The following PICALM variants were observed in gnomAD, a reference collection of about 807,000 sequenced individuals.
PICALM encodes the protein phosphatidylinositol-binding clathrin assembly protein.
A neutral mutation model predicts 80.5 loss-of-function variants in PICALM; 40 were observed. The ratio of observed to expected loss-of-function variants is 0.50; its 90% CI spans 0.39 to 0.65. The LOEUF (loss-of-function observed/expected upper bound fraction) is 0.65. Ranked by LOEUF, PICALM falls within the 30% of genes least tolerant of loss-of-function variation. PICALM has a pLI of 0.00. For missense variants in PICALM, 676 were observed against 778.9 expected (o/e 0.87, Z 1.57); for synonymous variants, 288 against 260.3 (o/e 1.11, Z -1.02).
chr11:86,011,036 A>C lies in PICALM; in HGVS notation c.759T>G (p.Val253=), dbSNP rs769078449. ...TCACTTAAAGACAGTTTACCTCTGC[A>C]ACTTTGAGGAACTCTGAGATTCTTG... ...RMTRISEFLK[V]AEQVGIDRGD... The change falls in exon 7 of 20, where the codon GTT becomes GTG. Residue 253 remains valine, a synonymous_variant. Transcript: ENST00000393346. The C allele has an allele frequency of 2.0e-6, 3 of 1,474,656 alleles. No individual in the cohort carries two copies. The highest frequency in any genetic ancestry group is 1.8e-5 in the Admixed American group (1 of 55,028). The allele number at this position is 1,474,656 out of a possible 1,614,324, so 91.3% of individuals were successfully genotyped here.
chr11:86,010,233 A>G (rs2095367993), intron 7 of PICALM, among the ~76,000 whole-genome samples: 1 of 152,208 alleles, frequency 6.6e-6, no homozygotes, highest in Admixed American at 6.5e-5. Context: ...ATTTTTAAGC[A>G]GAGCTGCAAA....
chr11:86,017,234 A>G (rs1336986071), intron 4 of PICALM, among the ~76,000 whole-genome samples: 2 of 152,088 alleles, frequency 1.3e-5, no homozygotes, highest in East Asian at 1.9e-4. Context: ...AAAAAAAAAA[A>G]AAAAGTTAGC....
At chr11:86,061,833 G>A (rs575195291) in intron 1 of PICALM, among the ~76,000 whole-genome samples, 20 of 152,124 alleles carry the variant, frequency 1.3e-4, no homozygotes, top group Admixed American at 3.3e-4. Flanking sequence ...CTTTATTCAC[G>A]ATTGCCAAAA....
At chr11:85,967,021 G>A (rs114917464) in intron 19 of PICALM, among the ~76,000 whole-genome samples, 1,951 of 152,230 alleles carry the variant, frequency 0.013, 46 homozygotes, top group African/African-American at 0.044. Context: ...CAAGTTTGTG[G>A]TACACTTTGT....
chr11:86,024,178 A>AC (rs1292160721), intron 3 of PICALM, among the ~76,000 whole-genome samples: 6 of 151,868 alleles, frequency 4.0e-5, no homozygotes, highest in African/African-American at 7.3e-5. Flanking sequence ...AAGAAAAAAA[A>AC]AATTTTTTTT....
chr11:86,020,583 AT>A (rs1221435749), intron 4 of PICALM, among the ~76,000 whole-genome samples: 1 of 152,224 alleles, frequency 6.6e-6, no homozygotes, highest in Non-Finnish European at 1.5e-5. Context: ...AAACCTTTAC[AT>A]TTATGGTCAA....
intron 1 of PICALM, among the ~76,000 whole-genome samples, chr11:86,049,341 C>A (rs2096136280): frequency 6.6e-6 from 1 of 152,144 alleles, no homozygotes; most frequent in South Asian, 2.1e-4. Context: ...ACCAAAAGAT[C>A]AAATGCAACT....
At chr11:86,022,658 G>A (rs975393212) in intron 3 of PICALM, among the ~76,000 whole-genome samples, 189 bp from the exon 4 acceptor site, 4 of 151,324 alleles carry the variant, frequency 2.6e-5, no homozygotes, top group African/African-American at 9.7e-5. Flanking sequence ...TTCTCTTAAG[G>A]CTTCATATTT....
At chr11:86,036,858 T>C (rs1486865508) in intron 1 of PICALM, among the ~76,000 whole-genome samples, 3 of 151,560 alleles carry the variant, frequency 2.0e-5, no homozygotes, top group African/African-American at 7.3e-5. Flanking sequence ...TCCCAGTGCT[T>C]TGGAAGGCCG....
rs906488449 is a variant in PICALM, at chr11:85,958,069, G to A, written c.*977C>T. 4 of 224,270 alleles carry A rather than the reference G, an allele frequency of 1.8e-5. No homozygotes were observed. The highest frequency in any genetic ancestry group is 2.7e-5 in the Non-Finnish European group (3 of 112,402). The allele number at this position is 224,270 out of a possible 1,614,324, so 13.9% of individuals were successfully genotyped here. A position where few individuals can be genotyped will look rare whatever the true frequency, so the allele number is the denominator to read the frequency against. On this transcript the variant is annotated 3_prime_UTR_variant, in exon 20 of 20. Coordinates refer to ENST00000393346, the MANE Select transcript of PICALM (RefSeq NM_007166.4). ...CCTTCTAGAGTTTTAGTGAAAAGAA[G>A]GAAAGTCTTGAAGTGAAAGCAATTC...
intron 19 of PICALM, among the ~76,000 whole-genome samples, chr11:85,971,164 A>T (rs1417348012): frequency 6.6e-6 from 1 of 152,156 alleles, no homozygotes; most frequent in Non-Finnish European, 1.5e-5. Flanking sequence ...TCTTCAAGCC[A>T]TTTCATTGCT....
At chr11:86,029,497 T>C (rs776127755) in intron 2 of PICALM, among the ~76,000 whole-genome samples, 1 of 152,282 alleles carries the variant, frequency 6.6e-6, no homozygotes, top group Non-Finnish European at 1.5e-5. Context: ...AAACACACTA[T>C]CAAAAAAACA....
At chr11:86,055,399 T>C (rs1183125593) in intron 1 of PICALM, among the ~76,000 whole-genome samples, 1 of 152,026 alleles carries the variant, frequency 6.6e-6, no homozygotes, top group Non-Finnish European at 1.5e-5. Flanking sequence ...AACTTATTGA[T>C]AGTCATGCAA....
chr11:85,983,617 A>G (rs936256339), intron 14 of PICALM, among the ~76,000 whole-genome samples: 1 of 152,174 alleles, frequency 6.6e-6, no homozygotes, highest in African/African-American at 2.4e-5. Flanking sequence ...CTACAGAGCT[A>G]AATCTCTTTT....
chr11:85,981,348 G>T, intron 16 of PICALM, 120 bp from the exon 17 acceptor site: 1 of 634,126 alleles, frequency 1.6e-6, no homozygotes, highest in Non-Finnish European at 2.7e-6. Flanking sequence ...GCTCATGCCT[G>T]TAATCCCAGC....
chr11:85,997,481 T>C (rs2095006473), intron 11 of PICALM, among the ~76,000 whole-genome samples: 1 of 152,036 alleles, frequency 6.6e-6, no homozygotes, highest in African/African-American at 2.4e-5. Context: ...TTCTTTCTTC[T>C]TTTTTTTGAG....
intron 5 of PICALM, 126 bp from the exon 6 acceptor site, chr11:86,012,518 T>C (rs1417616190): frequency 1.7e-6 from 1 of 583,486 alleles, no homozygotes; most frequent in Non-Finnish European, 3.1e-6. Context: ...AATACATTTA[T>C]TTTCTCTAAT....
chr11:85,981,699 CACTA>C (rs1404484400), intron 16 of PICALM, 42 bp downstream of exon 16: 2 of 1,451,112 alleles, frequency 1.4e-6, no homozygotes, highest in East Asian at 2.3e-5. Context: ...ATGGAGAAAA[CACTA>C]AATAACACAC....
intron 1 of PICALM, among the ~76,000 whole-genome samples, chr11:86,053,096 G>A (rs935141013): frequency 2.0e-5 from 3 of 152,074 alleles, no homozygotes; most frequent in South Asian, 2.1e-4. Flanking sequence ...ATCTGCATAC[G>A]TCATCTACCC....
Sources: allele counts gnomAD v4.1 joint callset (sites outside exome capture counted in the v4.1 genomes callset), GRCh38; gene constraint gnomAD v4.1.1; transcripts MANE v1.5; gene names NCBI Gene and HGNC (gene_info 2026-07-23, HGNC 2026-07-21).